Variants in BTG4 observed in about 807,000 individuals in gnomAD.
BTG4 encodes the protein protein BTG4.
In BTG4, 10 loss-of-function variants were observed where a neutral mutation model predicts 19.3. The ratio of observed to expected loss-of-function variants is 0.52; its 90% CI spans 0.32 to 0.88. The LOEUF is 0.88. BTG4 is among the 40% of genes least tolerant of loss of function. The probability of loss-of-function intolerance (pLI) is 0.04; values close to 1 mark genes in which losing one functional copy is unlikely to be tolerated. For synonymous variants in BTG4, 91 were observed against 95.7 expected (o/e 0.95, Z 0.29); for missense variants, 238 against 281.9 (o/e 0.84, Z 1.11).
downstream of BTG4, among the ~76,000 whole-genome samples, chr11:111,492,198 AG>A (rs1281124565): frequency 6.6e-6 from 1 of 152,224 alleles, no homozygotes; most frequent in African/African-American, 2.4e-5. Context: ...CATGGGGTTC[AG>A]GGGTACAGTG....
At chr11:111,462,196 A>C in the BTG4 span, 1 of 152,316 alleles carries the variant, frequency 6.6e-6, no homozygotes, top group Non-Finnish European at 1.5e-5. Context: ...CCAAGATTTC[A>C]GTCACCCCTA....
At chr11:111,480,857 A>G (rs1864699217) in intron 5 of BTG4, among the ~76,000 whole-genome samples, 1 of 151,668 alleles carries the variant, frequency 6.6e-6, no homozygotes, top group African/African-American at 2.4e-5. Context: ...GGAAAGTGTC[A>G]ATTCAATAAT....
chr11:111,415,230 C>T, the BTG4 span, among the ~76,000 whole-genome samples: 25 of 152,288 alleles, frequency 1.6e-4, no homozygotes, highest in African/African-American at 4.3e-4. Flanking sequence ...CAGTGACCCC[C>T]GCCTCCCCTG....
the BTG4 span, among the ~76,000 whole-genome samples, chr11:111,444,861 C>G: frequency 6.6e-6 from 1 of 152,070 alleles, no homozygotes. Flanking sequence ...GCAGTAAAAG[C>G]TGGCGTGGGG....
upstream of BTG4, chr11:111,513,623 G>A: frequency 1.3e-5 from 5 of 389,782 alleles, no homozygotes; most frequent in African/African-American, 2.1e-5. Flanking sequence ...TCAGCCAAAA[G>A]AAAAAAATCA....
the BTG4 span, chr11:111,460,151 G>A: frequency 6.6e-6 from 1 of 152,594 alleles, no homozygotes; most frequent in Non-Finnish European, 1.5e-5. Flanking sequence ...CCAGAAAAAG[G>A]ACCTGCCTTC....
At chr11:111,493,070 T>C (rs1865514488), downstream of BTG4, among the ~76,000 whole-genome samples, 1 of 152,064 alleles carries the variant, frequency 6.6e-6, no homozygotes, top group Non-Finnish European at 1.5e-5. Context: ...CACTTGAACC[T>C]GGGAGGCGGA....
At chr11:111,389,956 G>A in the BTG4 span, among the ~76,000 whole-genome samples, 1 of 130,728 alleles carries the variant, frequency 7.6e-6, no homozygotes, top group African/African-American at 3.3e-5. Flanking sequence ...TGATCATATA[G>A]CGAGGAACTG....
the BTG4 span, among the ~76,000 whole-genome samples, chr11:111,419,886 A>G: frequency 6.6e-6 from 1 of 152,222 alleles, no homozygotes; most frequent in Non-Finnish European, 1.5e-5. Context: ...TAAGTGCCAT[A>G]TTGGAAAAAG....
At chr11:111,474,281 C>A (rs1327431254) in intron 5 of BTG4, among the ~76,000 whole-genome samples, 1 of 152,100 alleles carries the variant, frequency 6.6e-6, no homozygotes, top group Non-Finnish European at 1.5e-5. Context: ...CCCATATAAC[C>A]AGCCCCAGAT....
chr11:111,474,012 G>C (rs1864243659), intron 5 of BTG4, among the ~76,000 whole-genome samples: 1 of 152,056 alleles, frequency 6.6e-6, no homozygotes, highest in Non-Finnish European at 1.5e-5. Flanking sequence ...AAGGTCAATG[G>C]AAAATATTAG....
the BTG4 span, among the ~76,000 whole-genome samples, chr11:111,446,104 A>G: frequency 1.5e-3 from 227 of 152,266 alleles, no homozygotes; most frequent in African/African-American, 5.3e-3. Flanking sequence ...AGCAGTAGGA[A>G]GCTTTCCCAC....
intron 5 of BTG4, among the ~76,000 whole-genome samples, chr11:111,480,428 T>C (rs1279974108): frequency 6.6e-6 from 1 of 152,016 alleles, no homozygotes; most frequent in Non-Finnish European, 1.5e-5. Context: ...TCAGCAAGGA[T>C]ATAAAAGAAC....
chr11:111,506,756 AATTAG>A (rs1483582424), intron 1 of BTG4, among the ~76,000 whole-genome samples: 4 of 152,132 alleles, frequency 2.6e-5, no homozygotes, highest in African/African-American at 9.6e-5. Context: ...TTCAAAATAC[AATTAG>A]AATATAGAAT....
At chr11:111,499,159 C>A (rs575512062) in intron 1 of BTG4, among the ~76,000 whole-genome samples, 5 of 152,200 alleles carry the variant, frequency 3.3e-5, no homozygotes, top group African/African-American at 1.2e-4. Flanking sequence ...TAACAAAGAG[C>A]AAAATATTTC....
chr11:111,427,782 C>A, the BTG4 span, among the ~76,000 whole-genome samples: 1 of 152,092 alleles, frequency 6.6e-6, no homozygotes, highest in Non-Finnish European at 1.5e-5. Context: ...AAATGTGGTC[C>A]CTGAAAGCAA....
the BTG4 span, among the ~76,000 whole-genome samples, chr11:111,406,091 T>C: frequency 1.3e-5 from 2 of 152,246 alleles, no homozygotes; most frequent in African/African-American, 4.8e-5. Context: ...TCAGAGAAGA[T>C]GCAATTTAAG....
the BTG4 span, among the ~76,000 whole-genome samples, chr11:111,447,306 T>G: frequency 6.6e-6 from 1 of 152,230 alleles, no homozygotes; most frequent in African/African-American, 2.4e-5. Context: ...TGCCTGAATT[T>G]TCAGTCTTTC....
downstream of BTG4, chr11:111,494,727 A>T (rs1263051883): frequency 3.5e-6 from 1 of 282,876 alleles, no homozygotes; most frequent in African/African-American, 2.3e-5. Flanking sequence ...GGAGTTTGTG[A>T]CCAGCCTTTA....
Sources: allele counts gnomAD v4.1 joint callset (sites outside exome capture counted in the v4.1 genomes callset), GRCh38; gene constraint gnomAD v4.1.1; transcripts MANE v1.5; gene names NCBI Gene and HGNC (gene_info 2026-07-23, HGNC 2026-07-21).